SKI: variants seen among roughly 807,000 people sequenced by gnomAD.
SKI encodes ski oncogene.
In SKI, 23 loss-of-function variants were observed where a neutral mutation model predicts 59.3. The ratio of observed to expected loss-of-function variants is 0.39; its 90% confidence interval spans 0.28 to 0.55. SKI has a LOEUF of 0.55. Among genes scored for constraint, SKI ranks in the 20% least tolerant of loss-of-function variants. SKI has a pLI of 0.67. For missense variants in SKI, 1,017 were observed against 1,038.9 expected (o/e 0.98, Z 0.29); for synonymous variants, 673 against 488.6 (o/e 1.38, Z -4.98).
chr1:2,305,939 G>C (rs550414096), intron 5 of SKI, 81 bp from the exon 6 acceptor site: 2 of 1,092,690 alleles, frequency 1.8e-6, no homozygotes, highest in South Asian at 2.7e-5. Context: ...ACCCCACGGG[G>C]TGGGCTGAGG....
Position 2,310,089 on chromosome 1 carries a change from T to C in SKI, c.*3324T>C, listed in dbSNP as rs1316765992. On this transcript the variant is annotated 3_prime_UTR_variant, in exon 7 of 7. Transcript: ENST00000378536. ...TTTTATGTAATTAATGTATGCTTTC[T>C]TGTTTATAAATGCCTGATTTAAAAA... The C allele has an allele frequency of 6.6e-6, 1 of 151,788 alleles. No individual in the cohort carries two copies. The highest frequency in any genetic ancestry group is 1.9e-4 in the East Asian group (1 of 5,136). The allele number at this position is 151,788 out of a possible 1,614,324, so 9.4% of individuals were successfully genotyped here.
At chr1:2,298,425 C>G (rs1339072353) in intron 1 of SKI, among the ~76,000 whole-genome samples, 1 of 152,154 alleles carries the variant, frequency 6.6e-6, no homozygotes, top group Non-Finnish European at 1.5e-5. Flanking sequence ...GGTGTGGTCC[C>G]CGGCTCCTGG....
At chr1:2,274,953 C>A (rs1009945776) in intron 1 of SKI, among the ~76,000 whole-genome samples, 1 of 152,300 alleles carries the variant, frequency 6.6e-6, no homozygotes, top group African/African-American at 2.4e-5. Flanking sequence ...CTTCGCTGTC[C>A]CTTGCTGTCT....
chr1:2,292,611 C>T (rs1239942946), intron 1 of SKI, among the ~76,000 whole-genome samples: 2 of 152,208 alleles, frequency 1.3e-5, no homozygotes, highest in Non-Finnish European at 2.9e-5. Context: ...TGTCTCTGGG[C>T]TGTGGTCATC....
At chr1:2,245,105 A>G (rs988843676) in intron 1 of SKI, among the ~76,000 whole-genome samples, 6 of 148,962 alleles carry the variant, frequency 4.0e-5, no homozygotes, top group Non-Finnish European at 8.9e-5. Context: ...TGCCTCCCCC[A>G]GCCCCCAACA....
intron 1 of SKI, among the ~76,000 whole-genome samples, chr1:2,288,796 G>A (rs1299922052): frequency 6.6e-6 from 1 of 152,146 alleles, no homozygotes; most frequent in Non-Finnish European, 1.5e-5. Flanking sequence ...GGTGATAGTG[G>A]GGGTGGGGAC....
At position 2,228,861 on chromosome 1, in the gene SKI, TG is replaced by T; in HGVS notation, c.98del (p.Gly33AlafsTer255). ...EQFHLSSMSSLGGPAAFSARW... is the reference protein window; with the variant it reads ...EQFHLSSMSSXGGPAAFSARW... ...TTCCACCTGAGCTCCATGAGCTCGC[TG>T]GGCGGCCCGGCCGCTTTCTCGGCGC... On this transcript the variant is annotated frameshift_variant, in exon 1 of 7. Coordinates refer to ENST00000378536, the MANE Select transcript of SKI (RefSeq NM_003036.4). LOFTEE classifies it high-confidence loss of function. 1.4e-6 allele frequency: 2 copies of T among 1,428,380 alleles called. No individual in the cohort carries two copies. The highest frequency in any genetic ancestry group is 1.8e-6 in the Non-Finnish European group (2 of 1,087,070). 88.5% of individuals were successfully genotyped at this position (1,428,380 alleles called of 1,614,324 possible).
rs1450816352 is a variant in SKI, at chr1:2,229,709, A to G, written c.943A>G (p.Asn315Asp). 1.9e-6 allele frequency: 3 copies of G among 1,584,244 alleles called. No individual in the cohort carries two copies. Among genetic ancestry groups the G allele is most frequent in the Non-Finnish European group, 8.6e-7 (1 of 1,166,004 alleles). Residue 315 changes from asparagine to aspartate, a missense_variant, in exon 1 of 7, where the codon AAC (asparagine) becomes GAC (aspartate). Transcript: ENST00000378536. The surrounding 1 kb of genome is among the most constrained non-coding windows in gnomAD (Gnocchi z 6.3). ...DDVKEKFDYG[N>D]KYKRRVPRVS... ...CGTGAAGGAGAAATTCGACTATGGC[A>G]ACAAGTACAAGCGGCGGGTGCCCCG...
chr1:2,240,890 C>A, intron 1 of SKI: 1 of 754,512 alleles, frequency 1.3e-6, no homozygotes, highest in Non-Finnish European at 1.6e-6. Context: ...AGTGGCCCTG[C>A]GTCGACCCCA....
chr1:2,278,353 G>A (rs929524603), intron 1 of SKI, among the ~76,000 whole-genome samples: 2 of 152,212 alleles, frequency 1.3e-5, no homozygotes, highest in African/African-American at 4.8e-5. Flanking sequence ...AGGAGCCCTG[G>A]GGGAGGACGG....
In SKI at chr1:2,303,471, G is replaced by A. The variant is rs978629354; in HGVS notation, c.1211+71G>A. On this transcript the variant is annotated intron_variant, in intron 3 of 6. Transcript: ENST00000378536. This position sits in a 1 kb window ranked among gnomAD's most constrained non-coding sequence, Gnocchi z 5.6. ...CCACGAGGGCTGTGCATGCGGACGC[G>A]CCCATGTTTCTGCAGGCTGGGTGCC... 6.3e-5 allele frequency: 86 copies of A among 1,364,920 alleles called. 2 individuals are homozygous for A. In the East Asian group the frequency reaches 6.4e-4, roughly 10 times the overall value. The allele number at this position is 1,364,920 out of a possible 1,614,324, so 84.6% of individuals were successfully genotyped here.
intron 1 of SKI, among the ~76,000 whole-genome samples, chr1:2,300,327 T>C (rs898910529): frequency 2.0e-5 from 3 of 152,226 alleles, no homozygotes; most frequent in African/African-American, 7.2e-5. Context: ...ATTGCTTTGG[T>C]GTGTCAGGTC....
chr1:2,301,319 C>T (rs886759266), intron 1 of SKI, among the ~76,000 whole-genome samples: 23 of 152,356 alleles, frequency 1.5e-4, no homozygotes, highest in Middle Eastern at 3.4e-3. Context: ...TTTTCAGTGT[C>T]TTTTTTCCTG....
chr1:2,284,131 T>A (rs1232487360), intron 1 of SKI, among the ~76,000 whole-genome samples: 1 of 152,138 alleles, frequency 6.6e-6, no homozygotes. Flanking sequence ...CACATGGACC[T>A]CCCCTCTTGG....
In SKI at chr1:2,229,026, C is replaced by T. The variant is rs1183118109; in HGVS notation, c.260C>T (p.Pro87Leu). 1 of 1,597,690 alleles carries T rather than the reference C, an allele frequency of 6.3e-7. No homozygotes were observed. The highest frequency in any genetic ancestry group is 8.5e-7 in the Non-Finnish European group (1 of 1,177,650). ...ATCCAGCCGCCGCCGCCCGTGCTGC[C>T]CGGGCCCTTCTTCATGCCGTCCGAC... The part of the protein sequence containing the change: ...PAIQPPPPVL[P>L]GPFFMPSDRS... The change falls in exon 1 of 7, where the codon CCC becomes CTC. Residue 87 changes from proline to leucine, a missense_variant. Coordinates refer to ENST00000378536, the MANE Select transcript of SKI (RefSeq NM_003036.4). The surrounding 1 kb of genome is among the most constrained non-coding windows in gnomAD (Gnocchi z 6.3).
In SKI at chr1:2,304,355, C is replaced by T. The variant is rs766036032; in HGVS notation, c.1537C>T (p.Leu513=). 4 of 1,551,674 alleles carry T rather than the reference C, an allele frequency of 2.6e-6. No homozygotes were observed. The highest frequency in any genetic ancestry group is 2.6e-6 in the Non-Finnish European group (3 of 1,147,008). ...TACCTCATCCAGCTCCGCCAAGGACCTGGGCTCCCCGGGTGCGCGTGCCCT... is the reference window on the plus strand; with the variant it reads ...TACCTCATCCAGCTCCGCCAAGGACTTGGGCTCCCCGGGTGCGCGTGCCCT... ...SFTSSSSAKD[L]GSPGARALPS... The change falls in exon 5 of 7, where the codon CTG becomes TTG. Residue 513 remains leucine (L), a synonymous_variant. Coordinates refer to ENST00000378536, the MANE Select transcript of SKI (RefSeq NM_003036.4).
intron 1 of SKI, among the ~76,000 whole-genome samples, chr1:2,234,946 C>T (rs1323681941): frequency 6.6e-6 from 1 of 152,016 alleles, no homozygotes; most frequent in East Asian, 1.9e-4. Context: ...GGGACCAGCT[C>T]TTTACACCTG....
intron 1 of SKI, among the ~76,000 whole-genome samples, chr1:2,279,448 C>T (rs973990847): frequency 3.9e-5 from 6 of 152,232 alleles, no homozygotes; most frequent in Admixed American, 6.5e-5. Context: ...CCCGGCCTCT[C>T]GCCTGTTCCC....
rs921681234 is a variant in SKI, at chr1:2,231,804, TG to T, written c.969+2074del. 9.8e-5 allele frequency among the ~76,000 whole-genome samples: 15 copies of T among 152,302 alleles called. No individual in the cohort carries two copies. In the South Asian group the frequency reaches 2.7e-3, roughly 27 times the overall value. ...GCGGGTTTTCCTCTCCTCATGCTCCTGGGGGTGGGGCACCCATCCTGCCCGT... is the reference window on the plus strand; with the variant it reads ...GCGGGTTTTCCTCTCCTCATGCTCCTGGGGTGGGGCACCCATCCTGCCCGT... On this transcript the variant is annotated intron_variant, in intron 1 of 6. Transcript: ENST00000378536.
Sources: gnomAD v4.1 joint callset for allele counts (sites outside exome capture counted in the v4.1 genomes callset) on GRCh38, gnomAD v4.1.1 for gene constraint, Gnocchi (gnomAD v3.1) non-coding constraint, MANE v1.5 for transcripts, NCBI Gene and HGNC (gene_info 2026-07-23, HGNC 2026-07-21) for gene names.